Variants in DBNDD2 observed in about 807,000 individuals in gnomAD.
DBNDD2 encodes dysbindin domain-containing protein 2.
A neutral mutation model predicts 14.0 loss-of-function variants in DBNDD2; 8 were observed. That is an observed-to-expected ratio of 0.57 (90% CI 0.33 to 1.03). The LOEUF (loss-of-function observed/expected upper bound fraction) is 1.03. Ranked by LOEUF, DBNDD2 falls within the 50% of genes least tolerant of loss-of-function variation. DBNDD2 has a pLI of 0.03. For missense variants in DBNDD2, 194 were observed against 206.0 expected, an observed-to-expected ratio of 0.94 and a Z score of 0.36; for synonymous variants, 94 against 85.3, an observed-to-expected ratio of 1.10 and a Z score of -0.56.
chr20:45,410,335 C>T lies in DBNDD2; in HGVS notation c.*195C>T. The T allele has an allele frequency of 1.5e-6, 1 of 654,254 alleles. No individual in the cohort carries two copies. The highest frequency in any genetic ancestry group is 2.6e-6 in the Non-Finnish European group (1 of 390,208). 40.5% of individuals were successfully genotyped at this position (654,254 alleles called of 1,614,324 possible). A position where few individuals can be genotyped will look rare whatever the true frequency, so the allele number is the denominator to read the frequency against. ...TACTGCTAATTTTTTCCTGCTGCAA[C>T]CCTCCCACCAGTTTTTGGCTTACTC... is the stretch of plus-strand genomic sequence containing the variant. On this transcript the variant is annotated 3_prime_UTR_variant, in exon 3 of 3. Coordinates refer to ENST00000372710, the MANE Select transcript of DBNDD2 (RefSeq NM_001048225.4).
At chr20:45,408,242 G>A, upstream of DBNDD2, 1 of 1,551,334 alleles carries the variant, frequency 6.4e-7, no homozygotes, top group Middle Eastern at 1.7e-4. Flanking sequence ...CCCCTTTGTG[G>A]AGCTTAGGGC....
upstream of DBNDD2, chr20:45,407,328 G>T (rs1989498750): frequency 1.0e-6 from 1 of 985,760 alleles, no homozygotes; most frequent in African/African-American, 1.7e-5. Context: ...CCCTGCCTTG[G>T]CCAGTCGGGG....
At chr20:45,408,078 G>A (rs1568936831), upstream of DBNDD2, 16 of 1,471,676 alleles carry the variant, frequency 1.1e-5, no homozygotes, top group Non-Finnish European at 1.4e-5. Flanking sequence ...GCCTTCTGAG[G>A]CAAGCGGGGC....
intron 2 of DBNDD2, chr20:45,409,151 C>T (rs1277666095): frequency 1.1e-5 from 8 of 701,394 alleles, no homozygotes; most frequent in South Asian, 9.1e-5. Flanking sequence ...ATTCTGGGAA[C>T]GGTCAATCTC....
chr20:45,409,872 A>T, intron 2 of DBNDD2, 60 bp from the exon 3 acceptor site: 2 of 1,524,088 alleles, frequency 1.3e-6, no homozygotes, highest in South Asian at 2.4e-5. Context: ...CTGGCCAGAT[A>T]ATCTTTAAGA....
At chr20:45,406,791 G>C (rs543281357), upstream of DBNDD2, 8 of 1,249,708 alleles carry the variant, frequency 6.4e-6, no homozygotes, top group East Asian at 2.7e-4. Flanking sequence ...GGGGACCGGA[G>C]CACGAGGGGA....
At chr20:45,409,113 G>A in intron 2 of DBNDD2, 175 bp downstream of exon 2, 1 of 1,302,752 alleles carries the variant, frequency 7.7e-7, no homozygotes, top group Non-Finnish European at 1.1e-6. Flanking sequence ...CCCTGAGGGA[G>A]AACTGGGTTA....
At chr20:45,408,664 G>A (rs946455793) in intron 1 of DBNDD2, 58 bp downstream of exon 1, 45 of 1,591,874 alleles carry the variant, frequency 2.8e-5, no homozygotes, top group Middle Eastern at 3.4e-4. Context: ...TGTCCTGTGG[G>A]TCCTGAATCT....
chr20:45,406,839 G>A, upstream of DBNDD2: 3 of 1,204,448 alleles, frequency 2.5e-6, no homozygotes, highest in Non-Finnish European at 3.1e-6. Context: ...GTCCTCCGCC[G>A]ACGCCTCGTG....
upstream of DBNDD2, chr20:45,406,821 C>A (rs528861615): frequency 1.1e-5 from 13 of 1,220,310 alleles, no homozygotes; most frequent in African/African-American, 1.9e-4. Flanking sequence ...GGGGAGCGCC[C>A]TCCCCCCGTC....
chr20:45,408,615 C>G lies in DBNDD2; in HGVS notation c.139+9C>G. Reference sequence around the variant, plus strand: ...TCTCGAGTCGCAGAGACGTAAGTCCCAAGTCCTGAGAAGAGGGACTGGGGT... The same window carrying G: ...TCTCGAGTCGCAGAGACGTAAGTCCGAAGTCCTGAGAAGAGGGACTGGGGT... On this transcript the variant is annotated intron_variant, in intron 1 of 2. Transcript: ENST00000372710. 1 of 1,611,124 alleles carries G rather than the reference C, an allele frequency of 6.2e-7. No individual in the cohort carries two copies.
upstream of DBNDD2, chr20:45,406,375 G>A: frequency 7.3e-7 from 1 of 1,365,054 alleles, no homozygotes; most frequent in Non-Finnish European, 9.8e-7. Flanking sequence ...AAGTGCATCC[G>A]AGCGAGCGGA....
At chr20:45,406,596 C>A, upstream of DBNDD2, 1 of 1,450,518 alleles carries the variant, frequency 6.9e-7, no homozygotes, top group Non-Finnish European at 9.1e-7. Context: ...TCCTCGTTCC[C>A]GGCTCCCAGG....
chr20:45,409,427 T>C (rs1245978424), intron 2 of DBNDD2, among the ~76,000 whole-genome samples: 2 of 152,220 alleles, frequency 1.3e-5, no homozygotes, highest in Non-Finnish European at 2.9e-5. Context: ...AGTCACATTG[T>C]AGCCAGAAGG....
At chr20:45,407,446 C>T, upstream of DBNDD2, 1 of 985,806 alleles carries the variant, frequency 1.0e-6, no homozygotes, top group Non-Finnish European at 1.2e-6. Flanking sequence ...ACGTCTGATC[C>T]TCAAGCTAGA....
At chr20:45,406,259 C>T, upstream of DBNDD2, 1 of 549,580 alleles carries the variant, frequency 1.8e-6, no homozygotes, top group Non-Finnish European at 3.2e-6. Context: ...GGTTCGGGTG[C>T]GTAGTCGTTG....
upstream of DBNDD2, chr20:45,408,172 G>C: frequency 6.5e-7 from 1 of 1,548,302 alleles, no homozygotes; most frequent in Non-Finnish European, 8.7e-7. Flanking sequence ...ATGGAGAGTT[G>C]GGCATTGGCT....
At chr20:45,407,723 AG>A (rs1333339392), upstream of DBNDD2, 23 of 996,518 alleles carry the variant, frequency 2.3e-5, no homozygotes, top group Non-Finnish European at 2.8e-5. Context: ...TTCAAAGGAA[AG>A]ATGGTAGTCT....
rs1380772885 is a variant in DBNDD2, at chr20:45,408,357, C to A, written c.-111C>A. 4 of 1,612,088 alleles carry A rather than the reference C, an allele frequency of 2.5e-6. No homozygotes were observed. Among genetic ancestry groups the A allele is most frequent in the East Asian group, 2.2e-5 (1 of 44,824 alleles). On this transcript the variant is annotated 5_prime_UTR_variant, in exon 1 of 3. Coordinates refer to ENST00000372710, the MANE Select transcript of DBNDD2 (RefSeq NM_001048225.4). ...GGTGTCCAGGCCGGAGCCAGGGGCC[C>A]CACTGTTGGGATGCTGGCTGCAGTG...
Sources: gnomAD v4.1 joint callset for allele counts (sites outside exome capture counted in the v4.1 genomes callset) on GRCh38, gnomAD v4.1.1 for gene constraint, MANE v1.5 for transcripts, NCBI Gene and HGNC (gene_info 2026-07-23, HGNC 2026-07-21) for gene names.